The following FKBP9 variants were observed in gnomAD, a reference collection of about 807,000 sequenced individuals.
FKBP9 encodes the protein FKBP prolyl isomerase 9, also known as peptidyl-prolyl cis-trans isomerase FKBP9.
Under a neutral mutation model 55.6 loss-of-function variants are expected in FKBP9, and 27 were observed. The observed-to-expected ratio is 0.49, with a 90% CI of 0.36 to 0.67. The LOEUF (loss-of-function observed/expected upper bound fraction) is 0.67. Ranked by LOEUF, FKBP9 falls within the 30% of genes least tolerant of loss-of-function variation. The probability of loss-of-function intolerance (pLI) is 0.00; values close to 1 mark genes in which losing one functional copy is unlikely to be tolerated. For synonymous variants in FKBP9, 267 were observed against 296.5 expected, an observed-to-expected ratio of 0.90 and a Z score of 1.02; for missense variants, 539 against 742.8, an observed-to-expected ratio of 0.73 and a Z score of 3.19.
chr7:33,000,821 C>A (rs555287236), intron 8 of FKBP9, among the ~76,000 whole-genome samples: 1 of 152,066 alleles, frequency 6.6e-6, no homozygotes, highest in East Asian at 1.9e-4. Flanking sequence ...CACTCTGTCA[C>A]CCAGGCTGGA....
chr7:32,996,817 T>C (rs1784808064), intron 7 of FKBP9, among the ~76,000 whole-genome samples: 1 of 120,978 alleles, frequency 8.3e-6, no homozygotes, highest in Admixed American at 9.0e-5. Flanking sequence ...AGACGGAGTC[T>C]CGCTCTGTCG....
At chr7:32,998,829 G>A (rs1307194058) in intron 7 of FKBP9, among the ~76,000 whole-genome samples, 2 of 152,172 alleles carry the variant, frequency 1.3e-5, no homozygotes, top group Non-Finnish European at 2.9e-5. Flanking sequence ...GACCGTGTTT[G>A]AGAGAAACAC....
At chr7:32,975,639 G>A (rs1220910161) in intron 3 of FKBP9, among the ~76,000 whole-genome samples, 1 of 132,752 alleles carries the variant, frequency 7.5e-6, no homozygotes, top group Non-Finnish European at 1.6e-5. Context: ...TAAGTGAAAG[G>A]TTCTATTTCT....
intron 1 of FKBP9, among the ~76,000 whole-genome samples, chr7:32,961,277 ATAT>A (rs1784018385): frequency 6.6e-6 from 1 of 152,282 alleles, no homozygotes; most frequent in Admixed American, 6.5e-5. Context: ...CTTTTGATAA[ATAT>A]TATTATGTGC....
chr7:32,957,896 C>A, intron 1 of FKBP9, 102 bp downstream of exon 1: 1 of 883,292 alleles, frequency 1.1e-6, no homozygotes, highest in Non-Finnish European at 1.6e-6. Context: ...CCGCCCCGTG[C>A]AGCCGCGCTC....
intron 7 of FKBP9, among the ~76,000 whole-genome samples, chr7:32,997,879 C>T (rs1264784257): frequency 1.3e-5 from 2 of 152,072 alleles, no homozygotes; most frequent in African/African-American, 4.8e-5. Flanking sequence ...CAGAGCTCTC[C>T]CTCTCGGTAT....
chr7:32,958,017 G>A (rs1246582424), intron 1 of FKBP9, among the ~76,000 whole-genome samples: 2 of 152,366 alleles, frequency 1.3e-5, no homozygotes, highest in Admixed American at 1.3e-4. Flanking sequence ...ACCCTTGGAG[G>A]ACCTTGAGCA....
chr7:33,004,013 T>C (rs1287199547), intron 9 of FKBP9, among the ~76,000 whole-genome samples: 1 of 151,954 alleles, frequency 6.6e-6, no homozygotes, highest in African/African-American at 2.4e-5. Flanking sequence ...ACCCAAAGCC[T>C]TTCCCGTCGC....
Position 33,005,191 on chromosome 7 carries a change from A to C in FKBP9, c.1553A>C (p.His518Pro), listed in dbSNP as rs1785010361. Residue 518 changes from histidine to proline, a missense_variant, in exon 10 of 10, where the codon CAC becomes CCC. Physicochemically the swap from His to Pro is moderately conservative, Grantham distance 77. Around this residue, in one of 4 missense-constraint regions of FKBP9, gnomAD observed 102 missense variants for 200.7 expected, o/e 0.51. Transcript: ENST00000242209. ...CTTTTCCAGTTCTCAGAGTACATTC[A>C]CGCCCAGGTGGCATCTGGCAAAGGG... The part of the protein sequence containing the change: ...VLLEEFSEYI[H>P]AQVASGKGKL... 1 of 1,613,618 alleles carries C rather than the reference A, an allele frequency of 6.2e-7. No individual in the cohort carries two copies. The highest frequency in any genetic ancestry group is 8.5e-7 in the Non-Finnish European group (1 of 1,179,794).
intron 5 of FKBP9, among the ~76,000 whole-genome samples, chr7:32,986,158 G>A (rs145893436): frequency 1.2e-3 from 183 of 152,304 alleles, no homozygotes; most frequent in African/African-American, 4.0e-3. Flanking sequence ...TCCTTCTGAG[G>A]CTCTTATATC....
chr7:32,992,418 T>C (rs944792281), intron 6 of FKBP9, among the ~76,000 whole-genome samples: 1 of 152,082 alleles, frequency 6.6e-6, no homozygotes, highest in African/African-American at 2.4e-5. Flanking sequence ...GCAGAGTTTC[T>C]TGGGTGGGCT....
intron 5 of FKBP9, among the ~76,000 whole-genome samples, chr7:32,984,265 A>T (rs891959934): frequency 1.3e-5 from 2 of 148,434 alleles, no homozygotes; most frequent in Non-Finnish European, 2.9e-5. Context: ...ACAGAGTCTC[A>T]CTCTGCTGCC....
At chr7:32,984,462 C>T (rs1485734197) in intron 5 of FKBP9, among the ~76,000 whole-genome samples, 1 of 152,094 alleles carries the variant, frequency 6.6e-6, no homozygotes, top group Non-Finnish European at 1.5e-5. Flanking sequence ...TTCACCATTT[C>T]GGCCTGGTTG....
Position 33,005,198 on chromosome 7 carries a change from G to A in FKBP9, c.1560G>A (p.Gln520=). The A allele has an allele frequency of 6.2e-7, 1 of 1,613,954 alleles. No homozygotes were observed. The highest frequency in any genetic ancestry group is 8.5e-7 in the Non-Finnish European group (1 of 1,179,888). ...LEEFSEYIHA[Q]VASGKGKLAP... Reference sequence around the variant, plus strand: ...AGTTCTCAGAGTACATTCACGCCCAGGTGGCATCTGGCAAAGGGAAACTCG... The same window carrying A: ...AGTTCTCAGAGTACATTCACGCCCAAGTGGCATCTGGCAAAGGGAAACTCG... The change falls in exon 10 of 10, where the codon CAG becomes CAA. Residue 520 remains glutamine, a synonymous_variant. Transcript: ENST00000242209.
At chr7:32,966,546 T>C (rs1319214905) in intron 1 of FKBP9, among the ~76,000 whole-genome samples, 1 of 152,218 alleles carries the variant, frequency 6.6e-6, no homozygotes, top group Non-Finnish European at 1.5e-5. Context: ...GTGCATAGTA[T>C]GGGTTGCATT....
intron 6 of FKBP9, 80 bp downstream of exon 6, chr7:32,988,732 T>C (rs1182844883): frequency 7.8e-6 from 11 of 1,402,224 alleles, no homozygotes; most frequent in African/African-American, 1.4e-5. Context: ...TTTTTCTTTT[T>C]CTTCTTTCTT....
chr7:32,965,834 T>TATATGTGTACAC lies in FKBP9; in HGVS notation c.221+8044_221+8045insGTGTACACATAT, dbSNP rs1554284342. On this transcript the variant is annotated intron_variant, in intron 1 of 9. Transcript: ENST00000242209. ...AAAAATATATATATATATATATATATATATATATATGTGTGTACAGATATA... is the reference window on the plus strand; with the variant it reads ...AAAAATATATATATATATATATATATATATGTGTACACATATATATATGTGTGTACAGATATA... Among the ~76,000 whole-genome samples the TATATGTGTACAC allele has an allele frequency of 6.4e-3, 341 of 53,444 alleles. 2 individuals are homozygous for TATATGTGTACAC. Among genetic ancestry groups the TATATGTGTACAC allele is most frequent in the East Asian group, 0.012 (29 of 2,460 alleles). The allele number at this position is 53,444 out of a possible 152,430, so 35.1% of individuals were successfully genotyped here. A position where few individuals can be genotyped will look rare whatever the true frequency, so the allele number is the denominator to read the frequency against.
chr7:32,999,042 G>A (rs1236732188), intron 7 of FKBP9, among the ~76,000 whole-genome samples: 1 of 152,224 alleles, frequency 6.6e-6, no homozygotes, highest in Non-Finnish European at 1.5e-5. Context: ...CTTTGCAACT[G>A]GAGTAGCCCC....
chr7:32,965,841 A>G (rs1251237513), intron 1 of FKBP9, among the ~76,000 whole-genome samples: 1 of 42,204 alleles, frequency 2.4e-5, no homozygotes, highest in Admixed American at 3.5e-4. Flanking sequence ...ATATATATAT[A>G]TATGTGTGTA....
Sources: gnomAD v4.1 joint callset for allele counts (sites outside exome capture counted in the v4.1 genomes callset) on GRCh38, gnomAD v4.1.1 for gene constraint, gnomAD v4.1.1 regional missense constraint, MANE v1.5 for transcripts, NCBI Gene and HGNC (gene_info 2026-07-23, HGNC 2026-07-21) for gene names.